Variants in DOT1L observed in about 807,000 individuals in gnomAD.
DOT1L encodes the protein DOT1 like histone lysine methyltransferase, also known as histone-lysine N-methyltransferase, H3 lysine-79 specific.
A neutral mutation model predicts 153.3 loss-of-function variants in DOT1L; 33 were observed. The ratio of observed to expected loss-of-function variants is 0.22; its 90% confidence interval spans 0.16 to 0.29. The LOEUF is 0.29. Among genes scored for constraint, DOT1L ranks in the 10% least tolerant of loss-of-function variants. The pLI is 1.00. For missense variants in DOT1L, 1,847 were observed against 2,119.9 expected (o/e 0.87, Z 2.53); for synonymous variants, 1,135 against 965.1 (o/e 1.18, Z -3.26).
At chr19:2,228,529 G>A (rs540480937) in intron 27 of DOT1L, 8 of 1,160,738 alleles carry the variant, frequency 6.9e-6, no homozygotes, top group African/African-American at 3.3e-5. Flanking sequence ...GGAGATGGTC[G>A]CGAGAGGAGG....
intron 6 of DOT1L, 77 bp from the exon 7 acceptor site, chr19:2,194,438 C>T (rs921628207): frequency 2.7e-5 from 42 of 1,553,312 alleles, no homozygotes; most frequent in South Asian, 3.4e-5. Flanking sequence ...CCCAAAGTGC[C>T]GGGATTACAG....
Position 2,197,981 on chromosome 19 carries a change from G to A in DOT1L, c.652-1903G>A, listed in dbSNP as rs1480897703. 6.6e-6 allele frequency among the ~76,000 whole-genome samples: 1 copy of A among 152,190 alleles called. No homozygotes were observed. Among genetic ancestry groups the A allele is most frequent in the Non-Finnish European group, 1.5e-5 (1 of 68,024 alleles). On this transcript the variant is annotated intron_variant, in intron 7 of 27. Transcript: ENST00000398665. This position sits in a 1 kb window ranked among gnomAD's most constrained non-coding sequence, Gnocchi z 4.1. ...CACTTGGGAGGCTCCAAGTCCTCCC[G>A]CCTGAGCAGTGTCACCAGGGAGGCT...
chr19:2,213,375 G>A (rs1255623116), intron 16 of DOT1L, 164 bp from the exon 17 acceptor site: 6 of 632,652 alleles, frequency 9.5e-6, no homozygotes, highest in East Asian at 2.9e-5. Flanking sequence ...CCCTCCCGCC[G>A]TGGCCTGAGT....
At chr19:2,227,442 G>A (rs1335550303) in intron 27 of DOT1L, 2 of 603,150 alleles carry the variant, frequency 3.3e-6, no homozygotes, top group Non-Finnish European at 6.3e-6. Flanking sequence ...CCCGGGCTCT[G>A]GCAAGGCTCT....
At position 2,231,310 on chromosome 19, in the gene DOT1L, C is replaced by T; in HGVS notation, c.*1518C>T. On this transcript the variant is annotated 3_prime_UTR_variant, in exon 28 of 28. Transcript: ENST00000398665. Reference sequence around the variant, plus strand: ...CCCAAGGTGCCACAGATCCACCCTCCAGGGAGCTGCCAGCCCTGTGTTCTG... The same window carrying T: ...CCCAAGGTGCCACAGATCCACCCTCTAGGGAGCTGCCAGCCCTGTGTTCTG... The T allele has an allele frequency of 4.6e-6, 1 of 218,714 alleles. No homozygotes were observed. The highest frequency in any genetic ancestry group is 9.2e-6 in the Non-Finnish European group (1 of 108,854). The allele number at this position is 218,714 out of a possible 1,614,324, so 13.5% of individuals were successfully genotyped here.
chr19:2,226,388 C>G lies in DOT1L; in HGVS notation c.3867C>G (p.Ala1289=), dbSNP rs1457983492. ...AGCCCTCTGCCGATGCCAAGCTGGCCGCTCACCCCAGGAAAGGCTTTCCCG... is the reference window on the plus strand; with the variant it reads ...AGCCCTCTGCCGATGCCAAGCTGGCGGCTCACCCCAGGAAAGGCTTTCCCG... The part of the protein sequence containing the change: ...LEEPSADAKL[A]AHPRKGFPGS... The change falls in exon 27 of 28, where the codon GCC becomes GCG. Residue 1289 remains alanine, a synonymous_variant. Coordinates refer to ENST00000398665, the MANE Select transcript of DOT1L (RefSeq NM_032482.3). The G allele has an allele frequency of 6.3e-7, 1 of 1,593,592 alleles. No homozygotes were observed. Among genetic ancestry groups the G allele is most frequent in the Admixed American group, 1.7e-5 (1 of 59,060 alleles).
rs756769886 is a variant in DOT1L at position 2,226,703 on chromosome 19, A to T, written c.4182A>T (p.Leu1394=). 2.5e-6 allele frequency: 4 copies of T among 1,569,958 alleles called. No homozygotes were observed. In the Admixed American group the frequency reaches 5.4e-5, roughly 21 times the overall value. Residue 1394 remains leucine (L), a synonymous_variant, in exon 27 of 28, where the codon CTA becomes CTT. Transcript: ENST00000398665. ...SRGKEAGEGG[L]PLCGPTDKTP... ...GCAAGGAGGCAGGGGAGGGCGGCCT[A>T]CCGCTGTGCGGGCCCACGGACAAGA... is the stretch of plus-strand genomic sequence containing the variant.
rs774899116 is a variant in DOT1L, at chr19:2,216,644, C to T, written c.2287C>T (p.Leu763=). 3.7e-6 allele frequency: 6 copies of T among 1,605,332 alleles called. No individual in the cohort carries two copies. The East Asian group carries it at 1.1e-4, about 30-fold the overall frequency. ...CGTCGGCCGGCCGCGCCTGGAGAAG[C>T]TGTCTGGCCTAGCCGCACCCGACTA... ...SHVGRPRLEK[L]SGLAAPDYTR... Residue 763 remains leucine, a synonymous_variant, in exon 20 of 28, where the codon CTG becomes TTG. Coordinates refer to ENST00000398665, the MANE Select transcript of DOT1L (RefSeq NM_032482.3).
At chr19:2,216,054 G>A (rs971340412) in intron 19 of DOT1L, 1 of 531,338 alleles carries the variant, frequency 1.9e-6, no homozygotes, top group Admixed American at 3.7e-5. Context: ...TCTTTTTGAA[G>A]AAGGTGCTTC....
At chr19:2,183,511 C>CT (rs1388464702) in intron 2 of DOT1L, among the ~76,000 whole-genome samples, 1 of 152,160 alleles carries the variant, frequency 6.6e-6, no homozygotes, top group African/African-American at 2.4e-5. Context: ...GAGAATCAGC[C>CT]TTTCCATTTC....
intron 7 of DOT1L, 22 bp downstream of exon 7, chr19:2,194,599 C>A (rs202007003): frequency 1.2e-6 from 2 of 1,607,152 alleles, no homozygotes; most frequent in Non-Finnish European, 1.7e-6. Context: ...CGCTCCGCCC[C>A]GGCTCCCATC....
chr19:2,226,319 C>T lies in DOT1L; in HGVS notation c.3798C>T (p.Ala1266=). 1 of 1,598,710 alleles carries T rather than the reference C, an allele frequency of 6.3e-7. No individual in the cohort carries two copies. The highest frequency in any genetic ancestry group is 8.5e-7 in the Non-Finnish European group (1 of 1,174,350). The change falls in exon 27 of 28, where the codon GCC becomes GCT. Residue 1266 remains alanine, a synonymous_variant. Transcript: ENST00000398665. ...SADSPLQASS[A]LSQNSLFTFR... is the part of the protein sequence containing the mutation. ...ACAGCCCGCTGCAGGCCAGCTCCGC[C>T]CTCAGCCAGAACTCCCTGTTCACGT... is the stretch of plus-strand genomic sequence containing the variant.
intron 24 of DOT1L, 21 bp from the exon 25 acceptor site, chr19:2,223,260 A>C (rs756344492): frequency 6.2e-7 from 1 of 1,612,522 alleles, no homozygotes; most frequent in Non-Finnish European, 8.5e-7. Context: ...ATGTGCATCC[A>C]TTGTGTCTGT....
At position 2,213,547 on chromosome 19, in the gene DOT1L, C is replaced by T. The variant is rs367722218; in HGVS notation, c.1566C>T (p.Asn522=). The stretch of plus-strand genomic sequence containing the variant: ...CCCTGTTTGTCCTACAGGAGAAGAA[C>T]GCCCAGCTCCTGGGTGCGGCTCAGC... ...QELLGQEKEK[N]AQLLGAAQQL... The change falls in exon 17 of 28, where the codon AAC becomes AAT. Residue 522 remains asparagine, a synonymous_variant. Coordinates refer to ENST00000398665, the MANE Select transcript of DOT1L (RefSeq NM_032482.3). The T allele has an allele frequency of 2.6e-5, 42 of 1,612,622 alleles. No homozygotes were observed. The highest frequency in any genetic ancestry group is 2.5e-4 in the African/African-American group (19 of 74,906).
chr19:2,220,139 G>A lies in DOT1L; in HGVS notation c.2723G>A (p.Arg908His), dbSNP rs1250364187. 2.2e-5 allele frequency: 36 copies of A among 1,612,618 alleles called. No homozygotes were observed. The highest frequency in any genetic ancestry group is 3.3e-5 in the Admixed American group (2 of 59,964). ...ACCCCCAGTCCCGTGCTGCAGCCCC[G>A]TGACCCCTCGTCCACACTTGAAAAG... ...RSTPSPVLQP[R>H]DPSSTLEKQI... The change falls in exon 23 of 28, where the codon CGT (arginine) becomes CAT (histidine). Residue 908 changes from arginine to histidine, a missense_variant. By Grantham distance (29) the Arg-to-His change is conservative. Around this residue, in one of 8 missense-constraint regions of DOT1L, gnomAD observed 68 missense variants for 80.7 expected, o/e 0.84. Transcript: ENST00000398665. The surrounding 1 kb of genome is among the most constrained non-coding windows in gnomAD (Gnocchi z 4.5).
chr19:2,231,001 G>A lies in DOT1L; in HGVS notation c.*1209G>A, dbSNP rs1568380141. 1 of 241,158 alleles carries A rather than the reference G, an allele frequency of 4.1e-6. No individual in the cohort carries two copies. Among genetic ancestry groups the A allele is most frequent in the Non-Finnish European group, 8.1e-6 (1 of 123,964 alleles). 14.9% of individuals were successfully genotyped at this position (241,158 alleles called of 1,614,324 possible). A position where few individuals can be genotyped will look rare whatever the true frequency, so the allele number is the denominator to read the frequency against. ...CCTCTCTGGCCCTAGGCCCCAGGGT[G>A]ACGTCGGCCCCCCACTCTGCAGCCT... On this transcript the variant is annotated 3_prime_UTR_variant, in exon 28 of 28. Coordinates refer to ENST00000398665, the MANE Select transcript of DOT1L (RefSeq NM_032482.3).
chr19:2,186,500 A>G (rs2022513350), intron 3 of DOT1L, among the ~76,000 whole-genome samples: 1 of 151,010 alleles, frequency 6.6e-6, no homozygotes, highest in South Asian at 2.1e-4. Context: ...TCAGCTCTTG[A>G]GTCTGAAATC....
In DOT1L at chr19:2,206,036, G is replaced by A. The variant is rs1381881607; in HGVS notation, c.788-693G>A. Among the ~76,000 whole-genome samples, 15 of 151,238 alleles carry A rather than the reference G, an allele frequency of 9.9e-5. 1 individual carries two copies. The highest frequency in any genetic ancestry group is 6.6e-4 in the Admixed American group (10 of 15,184). On this transcript the variant is annotated intron_variant, in intron 9 of 27. Coordinates refer to ENST00000398665, the MANE Select transcript of DOT1L (RefSeq NM_032482.3). ...TTTTGAGGCAGAGTCTCTCTCTATC[G>A]CCCAGGCTGGAGTGCAGTGGCGCGA...
chr19:2,189,526 C>T (rs547242276), intron 3 of DOT1L, among the ~76,000 whole-genome samples: 3 of 152,358 alleles, frequency 2.0e-5, no homozygotes, highest in African/African-American at 4.8e-5. Context: ...GACTCTCGGC[C>T]GGCCACCTCG....
Sources: gnomAD v4.1 joint callset for allele counts (sites outside exome capture counted in the v4.1 genomes callset) on GRCh38, gnomAD v4.1.1 for gene constraint, gnomAD v4.1.1 regional missense constraint, Gnocchi (gnomAD v3.1) non-coding constraint, MANE v1.5 for transcripts, NCBI Gene and HGNC (gene_info 2026-07-23, HGNC 2026-07-21) for gene names.